The following XPO6 variants were observed in gnomAD, a reference collection of about 807,000 sequenced individuals.
XPO6 encodes exportin-6.
XPO6 carries 3 observed loss-of-function variants against 130.0 expected under a neutral mutation model. The observed-to-expected ratio is 0.02, with a 90% CI of 0.01 to 0.06. XPO6 has a LOEUF of 0.06. Ranked by LOEUF, XPO6 falls within the 10% of genes least tolerant of loss-of-function variation. The pLI, the probability that XPO6 is intolerant of heterozygous loss-of-function variation, is 1.00. For synonymous variants in XPO6, 524 were observed against 548.9 expected (o/e 0.95, Z 0.63); for missense variants, 970 against 1,393.0 (o/e 0.70, Z 4.83).
Position 28,111,924 on chromosome 16 carries a change from G to A in XPO6, c.2234C>T (p.Pro745Leu). 1.2e-6 allele frequency: 2 copies of A among 1,614,136 alleles called. No individual in the cohort carries two copies. The highest frequency in any genetic ancestry group is 1.7e-6 in the Non-Finnish European group (2 of 1,180,030). Residue 745 changes from proline (P) to leucine (L), a missense_variant, in exon 17 of 24, where the codon CCC becomes CTC. Around this residue, in one of 4 missense-constraint regions of XPO6, gnomAD observed 936 missense variants for 1,306.8 expected, o/e 0.72. Transcript: ENST00000304658. ...GCTGGCGTGGTTGATGGAGCGCACGGGCCACTGCTGCTCATTCTCTGGAAG... is the reference window on the plus strand; with the variant it reads ...GCTGGCGTGGTTGATGGAGCGCACGAGCCACTGCTGCTCATTCTCTGGAAG... ...PNLPENEQQW[P>L]VRSINHASLI...
At position 28,133,680 on chromosome 16, in the gene XPO6, T is replaced by C. The variant is rs149260789; in HGVS notation, c.1536+161A>G. Among the ~76,000 whole-genome samples, 1,167 of 152,336 alleles carry C rather than the reference T, an allele frequency of 7.7e-3. 16 individuals carry two copies. The highest frequency in any genetic ancestry group is 0.026 in the African/African-American group (1,099 of 41,570). ...GTTTAATATTTTGTGGAAATGTTAA[T>C]ATTTGTTCAGTTTGAGCATCACTTA... On this transcript the variant is annotated intron_variant, in intron 11 of 23. Transcript: ENST00000304658.
At position 28,132,399 on chromosome 16, in the gene XPO6, G is replaced by C; in HGVS notation, c.1541C>G (p.Pro514Arg). ...LPTHAFSTLF[P>R]VLQDNLEVYL... ...AACTTCTAAATTGTCCTGAAGAACA[G>C]GGAACTGAAAACAAAGAAACAAAAA... The change falls in exon 12 of 24, where the codon CCT (proline) becomes CGT (arginine). Residue 514 changes from proline (P) to arginine (R), a missense_variant. This residue lies in a region of XPO6 where 936 missense variants were observed against 1,306.8 expected (regional missense o/e 0.72). Coordinates refer to ENST00000304658, the MANE Select transcript of XPO6 (RefSeq NM_015171.4). This position sits in a 1 kb window ranked among gnomAD's most constrained non-coding sequence, Gnocchi z 4.0. 2 of 1,600,076 alleles carry C rather than the reference G, an allele frequency of 1.2e-6. No individual in the cohort carries two copies. The highest frequency in any genetic ancestry group is 1.7e-6 in the Non-Finnish European group (2 of 1,172,960).
Position 28,181,047 on chromosome 16 carries a change from G to GA in XPO6, c.4-17dup, listed in dbSNP as rs771387248. 48 of 1,589,886 alleles carry GA rather than the reference G, an allele frequency of 3.0e-5. No homozygotes were observed. Among genetic ancestry groups the GA allele is most frequent in the South Asian group, 3.4e-5 (3 of 88,722 alleles). On this transcript the variant is annotated splice_polypyrimidine_tract_variant and intron_variant, in intron 1 of 23. Coordinates refer to ENST00000304658, the MANE Select transcript of XPO6 (RefSeq NM_015171.4). ...CTTCAGATGCCTAACAAAGGAATTT[G>GA]AAAAAAAATCAATAAGCTGCATCTT...
At chr16:28,130,506 C>T (rs556298495) in intron 12 of XPO6, among the ~76,000 whole-genome samples, 5 of 152,256 alleles carry the variant, frequency 3.3e-5, no homozygotes, top group African/African-American at 1.2e-4. Flanking sequence ...TTGTTAATAG[C>T]CTTTGCACTG....
At position 28,098,447 on chromosome 16, in the gene XPO6, A is replaced by G; in HGVS notation, c.*91T>C. On this transcript the variant is annotated 3_prime_UTR_variant, in exon 24 of 24. Transcript: ENST00000304658. ...GCGGTGGGAGAAGCCAAGGAGTGTG[A>G]CCAAGGCCCATCTGGGAGACATCTG... is the stretch of plus-strand genomic sequence containing the variant. 1 of 1,179,978 alleles carries G rather than the reference A, an allele frequency of 8.5e-7. No individual in the cohort carries two copies. The highest frequency in any genetic ancestry group is 1.2e-6 in the Non-Finnish European group (1 of 820,000). The allele number at this position is 1,179,978 out of a possible 1,614,324, so 73.1% of individuals were successfully genotyped here.
chr16:28,177,961 C>T (rs984345654), intron 2 of XPO6, among the ~76,000 whole-genome samples: 3 of 152,162 alleles, frequency 2.0e-5, no homozygotes, highest in Admixed American at 6.5e-5. Context: ...GCCCTGTCCA[C>T]ACATCACGTT....
chr16:28,144,692 A>C (rs972193736), intron 9 of XPO6, among the ~76,000 whole-genome samples: 1 of 152,196 alleles, frequency 6.6e-6, no homozygotes, highest in African/African-American at 2.4e-5. Flanking sequence ...CATTTGGTAC[A>C]TTTATGGGGA....
Position 28,135,252 on chromosome 16 carries a change from C to G in XPO6, c.1407G>C (p.Gln469His). The change falls in exon 10 of 24, where the codon CAG becomes CAC. Residue 469 changes from glutamine (Q) to histidine (H), a missense_variant. Around this residue, in one of 4 missense-constraint regions of XPO6, gnomAD observed 936 missense variants for 1,306.8 expected, o/e 0.72. Transcript: ENST00000304658. ...GAGTCTCATCATCCAACTCCTCCAG[C>G]TGGGCTTGGTTGTATCTGAACTGGA... ...NRIQFRYNQA[Q>H]LEELDDETLD... 1 of 1,614,008 alleles carries G rather than the reference C, an allele frequency of 6.2e-7. No homozygotes were observed. The highest frequency in any genetic ancestry group is 8.5e-7 in the Non-Finnish European group (1 of 1,179,940).
rs2043184637 is a variant in XPO6 at position 28,156,367 on chromosome 16, T to C, written c.804A>G (p.Pro268=). 1.9e-6 allele frequency: 3 copies of C among 1,613,844 alleles called. No homozygotes were observed. In the East Asian group the frequency reaches 6.7e-5, roughly 36 times the overall value. Residue 268 remains proline (P), a synonymous_variant, in exon 7 of 24, where the codon CCA becomes CCG. Transcript: ENST00000304658. ...SWIPLSASIT[P]SLLTTIFHFA... ...AGTGGAAGATGGTGGTAAGGAGGGATGGGGTGATGCTGGCAGACAGAGGAA... is the reference window on the plus strand; with the variant it reads ...AGTGGAAGATGGTGGTAAGGAGGGACGGGGTGATGCTGGCAGACAGAGGAA...
chr16:28,174,292 T>C (rs958276330), intron 4 of XPO6, among the ~76,000 whole-genome samples: 1 of 152,142 alleles, frequency 6.6e-6, no homozygotes, highest in Admixed American at 6.6e-5. Context: ...CCACTCAGGT[T>C]TCTGCTCAAA....
chr16:28,161,234 A>T (rs1217597466), intron 6 of XPO6, among the ~76,000 whole-genome samples: 1 of 152,214 alleles, frequency 6.6e-6, no homozygotes, highest in African/African-American at 2.4e-5. Flanking sequence ...AATAAAAATG[A>T]CAAACAATGT....
intron 2 of XPO6, among the ~76,000 whole-genome samples, chr16:28,180,272 G>A (rs1194740171): frequency 6.6e-6 from 1 of 152,198 alleles, no homozygotes; most frequent in Admixed American, 6.5e-5. Flanking sequence ...GGCTGAGACA[G>A]GAGAATCGCT....
intron 4 of XPO6, 115 bp from the exon 5 acceptor site, chr16:28,170,024 A>G: frequency 7.4e-7 from 1 of 1,353,952 alleles, no homozygotes; most frequent in South Asian, 1.4e-5. Flanking sequence ...ATGAACATAA[A>G]TCAACACTTC....
chr16:28,119,899 C>T (rs1434940388), intron 14 of XPO6, among the ~76,000 whole-genome samples: 1 of 152,042 alleles, frequency 6.6e-6, no homozygotes, highest in African/African-American at 2.4e-5. Context: ...ACTCTGTCAC[C>T]CAGGCTGGAG....
At position 28,200,365 on chromosome 16, in the gene XPO6, TA is replaced by T. The variant is rs1166939711; in HGVS notation, c.3+11000del. ...ATGGAAATGAACCTATTGCATATGC[TA>T]AGCCTAATGGGCTTACCTGAATTAA... On this transcript the variant is annotated intron_variant, in intron 1 of 23. Coordinates refer to ENST00000304658, the MANE Select transcript of XPO6 (RefSeq NM_015171.4). Among the ~76,000 whole-genome samples the T allele has an allele frequency of 2.6e-5, 4 of 152,342 alleles. No homozygotes were observed. The East Asian group carries it at 7.7e-4, about 29-fold the overall frequency.
At chr16:28,188,002 C>T (rs2043721960) in intron 1 of XPO6, among the ~76,000 whole-genome samples, 1 of 152,124 alleles carries the variant, frequency 6.6e-6, no homozygotes, top group African/African-American at 2.4e-5. Context: ...GTGGTTTCCT[C>T]AAACCCTGAT....
At chr16:28,200,225 C>T (rs2043934122) in intron 1 of XPO6, among the ~76,000 whole-genome samples, 1 of 151,830 alleles carries the variant, frequency 6.6e-6, no homozygotes, top group African/African-American at 2.4e-5. Flanking sequence ...TAGAAACCAA[C>T]GATTTTCCTT....
chr16:28,167,103 T>C, intron 5 of XPO6: 3 of 976,422 alleles, frequency 3.1e-6, no homozygotes, highest in Non-Finnish European at 3.7e-6. Context: ...GAGTGACTCA[T>C]CCACTGCTAT....
At chr16:28,113,959 TATAAA>T (rs2086992299) in intron 15 of XPO6, among the ~76,000 whole-genome samples, 1 of 152,160 alleles carries the variant, frequency 6.6e-6, no homozygotes, top group African/African-American at 2.4e-5. Flanking sequence ...TTTAAAAATG[TATAAA>T]ATGTTATGTA....
Sources: allele counts gnomAD v4.1 joint callset (sites outside exome capture counted in the v4.1 genomes callset), GRCh38; gene constraint gnomAD v4.1.1; regional missense constraint gnomAD v4.1.1; non-coding constraint Gnocchi (gnomAD v3.1); transcripts MANE v1.5; gene names NCBI Gene and HGNC (gene_info 2026-07-23, HGNC 2026-07-21).